CXCL13: variants seen among roughly 807,000 people sequenced by gnomAD.
CXCL13 encodes the protein C-X-C motif chemokine 13.
In CXCL13, 7 loss-of-function variants were observed where a neutral mutation model predicts 12.2. The observed-to-expected ratio is 0.57, with a 90% CI of 0.33 to 1.07. CXCL13 has a LOEUF of 1.07. Among genes scored for constraint, CXCL13 ranks in the 50% least tolerant of loss-of-function variants. The pLI is 0.04. For missense variants in CXCL13, 113 were observed against 127.4 expected (o/e 0.89, Z 0.55); for synonymous variants, 47 against 42.4 (o/e 1.11, Z -0.42).
At chr4:77,531,033 C>G (rs557437425) in intron 1 of CXCL13, among the ~76,000 whole-genome samples, 1 of 151,248 alleles carries the variant, frequency 6.6e-6, no homozygotes, top group Non-Finnish European at 1.5e-5. Context: ...TCGTTATGTA[C>G]CCAGTAGTCA....
chr4:77,597,460 G>A (rs1726790954), intron 1 of CXCL13, among the ~76,000 whole-genome samples: 1 of 152,136 alleles, frequency 6.6e-6, no homozygotes, highest in Non-Finnish European at 1.5e-5. Flanking sequence ...GAACCTGGAT[G>A]TAACATCTGG....
intron 1 of CXCL13, among the ~76,000 whole-genome samples, chr4:77,550,878 C>T (rs977557823): frequency 7.9e-5 from 12 of 152,064 alleles, no homozygotes; most frequent in Non-Finnish European, 1.5e-4. Flanking sequence ...CCTTCTTTGT[C>T]CTTTTTTACT....
intron 1 of CXCL13, among the ~76,000 whole-genome samples, chr4:77,594,774 G>C (rs1222367239): frequency 1.3e-5 from 2 of 152,220 alleles, no homozygotes; most frequent in African/African-American, 4.8e-5. Context: ...CTGGGGAAGG[G>C]AGAGCACCAG....
At position 77,544,306 on chromosome 4, in the gene CXCL13, C is replaced by A. The variant is rs138336121; in HGVS notation, c.-43+32518C>A. On this transcript the variant is annotated intron_variant, in intron 1 of 4. Coordinates refer to the CXCL13 transcript ENST00000286758. ...CAAATGGTATTTCTAGTTCTAGATT[C>A]TTGAGGAATCACCACACTGTCTTCC... Among the ~76,000 whole-genome samples the A allele has an allele frequency of 1.7e-3, 253 of 152,254 alleles. 1 individual carries two copies. Among genetic ancestry groups the A allele is most frequent in the African/African-American group, 5.8e-3 (242 of 41,562 alleles).
chr4:77,513,085 A>G (rs1047352972), intron 1 of CXCL13, among the ~76,000 whole-genome samples: 89 of 152,054 alleles, frequency 5.9e-4, no homozygotes, highest in African/African-American at 2.1e-3. Context: ...ACCTTCACCC[A>G]TGTCCCTGAA....
intron 1 of CXCL13, among the ~76,000 whole-genome samples, chr4:77,576,645 C>A (rs889075649): frequency 6.6e-6 from 1 of 151,770 alleles, no homozygotes; most frequent in Admixed American, 6.6e-5. Flanking sequence ...AGAGGATTAC[C>A]CAGCTCATAG....
chr4:77,546,252 G>GCTGGCCTCATA (rs1725360333), intron 1 of CXCL13, among the ~76,000 whole-genome samples: 1 of 152,128 alleles, frequency 6.6e-6, no homozygotes, highest in South Asian at 2.1e-4. Context: ...TCAGGATGAT[G>GCTGGCCTCATA]CTGGCCTCAT....
In CXCL13 at chr4:77,607,768, C is replaced by A; in HGVS notation, c.130C>A (p.Pro44Thr). The A allele has an allele frequency of 6.2e-7, 1 of 1,613,186 alleles. No individual in the cohort carries two copies. The highest frequency in any genetic ancestry group is 8.5e-7 in the Non-Finnish European group (1 of 1,179,630). The part of the protein sequence containing the change: ...RCVQESSVFI[P>T]RRFIDRIQIL... ...TGTCCAAGAGAGCTCAGTCTTTATC[C>A]CTAGACGCTTCATTGATCGAATTCA... The change falls in exon 2 of 4, where the codon CCT becomes ACT. Residue 44 changes from proline to threonine, a missense_variant. Pro to Thr is a conservative substitution (Grantham distance 38, BLOSUM62 -1). Transcript: ENST00000682537.
intron 1 of CXCL13, among the ~76,000 whole-genome samples, chr4:77,595,638 T>C (rs531007738): frequency 6.6e-6 from 1 of 152,292 alleles, no homozygotes; most frequent in East Asian, 1.9e-4. Flanking sequence ...GTATATAACT[T>C]TGTCCTACTT....
At chr4:77,552,202 T>A (rs1560523853) in intron 1 of CXCL13, among the ~76,000 whole-genome samples, 1 of 152,336 alleles carries the variant, frequency 6.6e-6, no homozygotes, top group Non-Finnish European at 1.5e-5. Context: ...TACCTAGAGA[T>A]GCTAGCACTT....
intron 1 of CXCL13, among the ~76,000 whole-genome samples, chr4:77,547,329 G>T (rs1725390290): frequency 6.6e-6 from 1 of 152,136 alleles, no homozygotes; most frequent in Admixed American, 6.5e-5. Flanking sequence ...TGACAGTGGG[G>T]TGTTTACATA....
chr4:77,545,822 T>C (rs891187504), intron 1 of CXCL13, among the ~76,000 whole-genome samples: 3 of 152,236 alleles, frequency 2.0e-5, no homozygotes, highest in Non-Finnish European at 2.9e-5. Flanking sequence ...CCCTGTCTTG[T>C]GACAGTTTTC....
chr4:77,525,398 A>C (rs557292656), intron 1 of CXCL13, among the ~76,000 whole-genome samples: 2 of 152,250 alleles, frequency 1.3e-5, no homozygotes, highest in African/African-American at 4.8e-5. Flanking sequence ...TAGGGTGGTA[A>C]GATTTCTTTC....
intron 1 of CXCL13, among the ~76,000 whole-genome samples, chr4:77,571,957 G>A (rs977509298): frequency 4.6e-5 from 7 of 151,786 alleles, no homozygotes; most frequent in Admixed American, 1.3e-4. Context: ...CACTCACTGC[G>A]AAGGTCTGCA....
At chr4:77,554,519 C>T (rs892829122) in intron 1 of CXCL13, among the ~76,000 whole-genome samples, 1 of 152,102 alleles carries the variant, frequency 6.6e-6, no homozygotes, top group Non-Finnish European at 1.5e-5. Context: ...AATCTCTTCT[C>T]TCAGTAGTTG....
At chr4:77,576,906 C>T (rs1726210622) in intron 1 of CXCL13, among the ~76,000 whole-genome samples, 1 of 152,144 alleles carries the variant, frequency 6.6e-6, no homozygotes, top group Non-Finnish European at 1.5e-5. Flanking sequence ...AATTATGTTT[C>T]CAAACTTATC....
intron 1 of CXCL13, among the ~76,000 whole-genome samples, chr4:77,538,033 AAC>A (rs1725103080): frequency 6.6e-6 from 1 of 152,206 alleles, no homozygotes; most frequent in African/African-American, 2.4e-5. Flanking sequence ...GAACACAGAC[AAC>A]AGAGAGGGAA....
intron 1 of CXCL13, among the ~76,000 whole-genome samples, chr4:77,541,801 T>C (rs1358192539): frequency 6.6e-6 from 1 of 152,194 alleles, no homozygotes; most frequent in Non-Finnish European, 1.5e-5. Flanking sequence ...GTACATTGCT[T>C]TGTGTGGTAT....
At chr4:77,516,136 AC>A (rs1172463086) in intron 1 of CXCL13, among the ~76,000 whole-genome samples, 1 of 152,142 alleles carries the variant, frequency 6.6e-6, no homozygotes, top group Non-Finnish European at 1.5e-5. Context: ...ATCGAACCAG[AC>A]TTGCATCCCA....
Sources: gnomAD v4.1 joint callset for allele counts (sites outside exome capture counted in the v4.1 genomes callset) on GRCh38, gnomAD v4.1.1 for gene constraint, MANE v1.5 for transcripts, NCBI Gene and HGNC (gene_info 2026-07-23, HGNC 2026-07-21) for gene names.